Variants in PPP3CA observed in about 807,000 individuals in gnomAD.
The protein encoded by PPP3CA is protein phosphatase 3 catalytic subunit alpha.
Under a neutral mutation model 66.5 loss-of-function variants are expected in PPP3CA, and 14 were observed. The observed-to-expected ratio is 0.21, with a 90% CI of 0.14 to 0.33. The LOEUF (loss-of-function observed/expected upper bound fraction) is 0.33. Ranked by LOEUF, PPP3CA falls within the 10% of genes least tolerant of loss-of-function variation. The probability of loss-of-function intolerance (pLI) is 1.00; values close to 1 mark genes in which losing one functional copy is unlikely to be tolerated. For missense variants in PPP3CA, 317 were observed against 639.5 expected (o/e 0.50, Z 5.44); for synonymous variants, 232 against 226.2 (o/e 1.03, Z -0.23).
At chr4:101,099,327 T>C (rs1730340720) in intron 4 of PPP3CA, among the ~76,000 whole-genome samples, 1 of 152,152 alleles carries the variant, frequency 6.6e-6, no homozygotes, top group Non-Finnish European at 1.5e-5. Context: ...AGTAGAATTA[T>C]TGTTCCAAAC....
intron 1 of PPP3CA, among the ~76,000 whole-genome samples, chr4:101,307,129 T>G (rs1240347121): frequency 1.5e-5 from 2 of 129,524 alleles, no homozygotes; most frequent in Non-Finnish European, 1.6e-5. Context: ...ACAAAGACTC[T>G]AAAATGGGAT....
intron 12 of PPP3CA, 144 bp downstream of exon 12, chr4:101,032,123 C>CTGAT (rs541426294): frequency 7.1e-5 from 38 of 536,086 alleles, no homozygotes; most frequent in East Asian, 2.9e-4. Flanking sequence ...ACTGATCAAA[C>CTGAT]TGATTGGGGT....
chr4:101,041,315 CAT>C (rs1014057954), intron 10 of PPP3CA, among the ~76,000 whole-genome samples: 1 of 151,298 alleles, frequency 6.6e-6, no homozygotes, highest in African/African-American at 2.4e-5. Context: ...TACAAATAAA[CAT>C]ATTATTTTAA....
intron 2 of PPP3CA, among the ~76,000 whole-genome samples, chr4:101,165,443 C>A (rs556493608): frequency 6.6e-6 from 1 of 152,210 alleles, no homozygotes; most frequent in Non-Finnish European, 1.5e-5. Flanking sequence ...CAGACAGACA[C>A]AAACTTAAAC....
chr4:101,240,887 CTTTTCT>C (rs1204499155), intron 1 of PPP3CA: 8 of 151,888 alleles, frequency 5.3e-5, no homozygotes, highest in Non-Finnish European at 1.0e-4. Flanking sequence ...TCTTCTTCTT[CTTTTCT>C]TTTTCTATTT....
chr4:101,133,035 G>A (rs918400092), intron 2 of PPP3CA, among the ~76,000 whole-genome samples: 8 of 121,504 alleles, frequency 6.6e-5, no homozygotes, highest in Admixed American at 3.5e-4. Context: ...AAAGGCCTTC[G>A]ATAAAATTCA....
intron 2 of PPP3CA, among the ~76,000 whole-genome samples, chr4:101,165,800 T>C (rs1361270099): frequency 1.3e-5 from 2 of 152,198 alleles, no homozygotes; most frequent in African/African-American, 4.8e-5. Flanking sequence ...ATTGGCTTTG[T>C]TGGTAGTGAC....
chr4:101,264,568 A>G (rs556114757), intron 1 of PPP3CA, among the ~76,000 whole-genome samples: 10 of 152,330 alleles, frequency 6.6e-5, no homozygotes, highest in African/African-American at 2.2e-4. Flanking sequence ...ACTATTTAAC[A>G]TACAGAAAAA....
chr4:101,296,115 A>AT (rs1728191760), intron 1 of PPP3CA, among the ~76,000 whole-genome samples: 1 of 152,188 alleles, frequency 6.6e-6, no homozygotes, highest in South Asian at 2.1e-4. Flanking sequence ...ATATATATGC[A>AT]TTTTAAACAT....
chr4:101,293,007 T>C (rs760503292), intron 1 of PPP3CA, among the ~76,000 whole-genome samples: 1 of 152,232 alleles, frequency 6.6e-6, no homozygotes, highest in Non-Finnish European at 1.5e-5. Flanking sequence ...AAATCTCACC[T>C]ACTATTTCAA....
chr4:101,195,782 AT>A (rs1724770243), intron 2 of PPP3CA, 133 bp downstream of exon 2: 2 of 677,122 alleles, frequency 3.0e-6, no homozygotes, highest in East Asian at 5.4e-5. Context: ...TACTACTCTA[AT>A]GTATAGATTC....
rs933408880 is a variant in PPP3CA at position 101,051,090 on chromosome 4, A to C, written c.1156+9997T>G. On this transcript the variant is annotated intron_variant, in intron 10 of 13. Coordinates refer to ENST00000394854, the MANE Select transcript of PPP3CA (RefSeq NM_000944.5). ...GTCAGAACAAAATAGACCACTCCAAAAAGATGCGGTTGATAAAATAGAAAC... is the reference window on the plus strand; with the variant it reads ...GTCAGAACAAAATAGACCACTCCAACAAGATGCGGTTGATAAAATAGAAAC... 5.1e-4 allele frequency among the ~76,000 whole-genome samples: 77 copies of C among 152,154 alleles called. 1 individual carries two copies. Among genetic ancestry groups the C allele is most frequent in the African/African-American group, 1.8e-3 (75 of 41,452 alleles).
intron 2 of PPP3CA, among the ~76,000 whole-genome samples, chr4:101,165,950 T>C (rs913027949): frequency 9.9e-5 from 15 of 152,128 alleles, no homozygotes; most frequent in African/African-American, 3.6e-4. Flanking sequence ...AGGTAGAAGA[T>C]GGTAGACTTG....
chr4:101,257,356 C>A (rs1726878467), intron 1 of PPP3CA, among the ~76,000 whole-genome samples: 2 of 148,960 alleles, frequency 1.3e-5, no homozygotes, highest in Admixed American at 1.3e-4. Context: ...CAGAATTCCA[C>A]ATTCAGTGAC....
At chr4:101,120,346 G>A (rs1330284901) in intron 2 of PPP3CA, among the ~76,000 whole-genome samples, 3 of 151,896 alleles carry the variant, frequency 2.0e-5, no homozygotes, top group African/African-American at 7.3e-5. Flanking sequence ...CTTCAAGAAG[G>A]GCATACTTGA....
At chr4:101,063,191 A>C (rs940015493) in intron 9 of PPP3CA, 41 bp downstream of exon 9, 3 of 1,596,082 alleles carry the variant, frequency 1.9e-6, no homozygotes, top group South Asian at 2.3e-5. Flanking sequence ...CTTCCTTCCT[A>C]AACTATTTTA....
Position 101,333,270 on chromosome 4 carries a change from G to GTTTTTTTTTTTTT in PPP3CA, c.58+13456_58+13468dup, listed in dbSNP as rs70961788. On this transcript the variant is annotated intron_variant, in intron 1 of 13. Transcript: ENST00000394854. ...CTACAGGCATGCACTACCATGCCCA[G>GTTTTTTTTTTTTT]TTTTTTTTTTTTTTTTTTTTTTTTT... Among the ~76,000 whole-genome samples, 11 of 47,270 alleles carry GTTTTTTTTTTTTT rather than the reference G, an allele frequency of 2.3e-4. 2 individuals carry two copies. The highest frequency in any genetic ancestry group is 4.7e-4 in the East Asian group (1 of 2,142). The allele number at this position is 47,270 out of a possible 152,430, so 31.0% of individuals were successfully genotyped here.
At chr4:101,297,475 G>A (rs1318529848) in intron 1 of PPP3CA, among the ~76,000 whole-genome samples, 1 of 152,166 alleles carries the variant, frequency 6.6e-6, no homozygotes, top group Non-Finnish European at 1.5e-5. Flanking sequence ...ACAGATCCAT[G>A]TAAGGTGACA....
At chr4:101,131,389 G>T (rs1268181714) in intron 2 of PPP3CA, among the ~76,000 whole-genome samples, 6 of 147,228 alleles carry the variant, frequency 4.1e-5, no homozygotes, top group Admixed American at 4.1e-4. Context: ...CAAATCAAAG[G>T]AATGGAGGAA....
Sources: gnomAD v4.1 joint callset for allele counts (sites outside exome capture counted in the v4.1 genomes callset) on GRCh38, gnomAD v4.1.1 for gene constraint, MANE v1.5 for transcripts, NCBI Gene and HGNC (gene_info 2026-07-23, HGNC 2026-07-21) for gene names.